Variants in TMEM132B observed in about 807,000 individuals in gnomAD.
The protein encoded by TMEM132B is transmembrane protein 132B.
TMEM132B carries 18 observed loss-of-function variants against 90.8 expected under a neutral mutation model. That is an observed-to-expected ratio of 0.20 (90% CI 0.14 to 0.29). The LOEUF is 0.29. Among genes scored for constraint, TMEM132B ranks in the 10% least tolerant of loss-of-function variants. TMEM132B has a pLI of 1.00. For missense variants in TMEM132B, 1,096 were observed against 1,326.8 expected (o/e 0.83, Z 2.70); for synonymous variants, 504 against 523.3 (o/e 0.96, Z 0.50).
chr12:125,297,834 C>T (rs1002080094), intron 1 of TMEM132B, among the ~76,000 whole-genome samples: 15 of 152,190 alleles, frequency 9.9e-5, no homozygotes, highest in African/African-American at 2.9e-4. Flanking sequence ...GGTTACATCC[C>T]ATTTCCTCCT....
intron 1 of TMEM132B, among the ~76,000 whole-genome samples, chr12:125,281,087 A>T (rs968644927): frequency 6.6e-6 from 1 of 152,202 alleles, no homozygotes; most frequent in Non-Finnish European, 1.5e-5. Context: ...AGGGGTGAGA[A>T]AGGCCCCAGC....
At chr12:125,481,543 A>G (rs1188688073) in intron 3 of TMEM132B, among the ~76,000 whole-genome samples, 2 of 152,216 alleles carry the variant, frequency 1.3e-5, no homozygotes, top group Non-Finnish European at 2.9e-5. Flanking sequence ...TCCAACTTAC[A>G]AGGGATGTGA....
At position 125,659,674 on chromosome 12, in the gene TMEM132B, TTAG is replaced by T. The variant is rs1290665562; in HGVS notation, c.*4965_*4967del. 4 of 152,374 alleles carry T rather than the reference TTAG, an allele frequency of 2.6e-5. No homozygotes were observed. The East Asian group carries it at 7.7e-4, about 29-fold the overall frequency. The allele number at this position is 152,374 out of a possible 1,614,324, so 9.4% of individuals were successfully genotyped here. A position where few individuals can be genotyped will look rare whatever the true frequency, so the allele number is the denominator to read the frequency against. ...TGCTGGCAAATGCTACTCCTTGCTTTTAGGATGAATAGGGATGCCTCTTTGGCG... is the reference window on the plus strand; with the variant it reads ...TGCTGGCAAATGCTACTCCTTGCTTTGATGAATAGGGATGCCTCTTTGGCG... On this transcript the variant is annotated 3_prime_UTR_variant, in exon 9 of 9. Transcript: ENST00000682704.
At chr12:125,226,351 C>G (rs1038616833) in intron 1 of TMEM132B, among the ~76,000 whole-genome samples, 1 of 152,212 alleles carries the variant, frequency 6.6e-6, no homozygotes, top group African/African-American at 2.4e-5. Context: ...GTTGACATTT[C>G]TTGAGCACTG....
chr12:125,547,070 C>A (rs968819192), intron 4 of TMEM132B, among the ~76,000 whole-genome samples: 3 of 152,140 alleles, frequency 2.0e-5, no homozygotes, highest in Non-Finnish European at 4.4e-5. Flanking sequence ...GGAAACTGCC[C>A]CCATGATTCA....
At chr12:125,390,935 C>G (rs1189627925) in intron 2 of TMEM132B, among the ~76,000 whole-genome samples, 2 of 152,074 alleles carry the variant, frequency 1.3e-5, no homozygotes, top group African/African-American at 4.8e-5. Context: ...TGTCATGCAG[C>G]AGGAGGTAAC....
intron 1 of TMEM132B, among the ~76,000 whole-genome samples, chr12:125,189,666 C>A (rs1018457762): frequency 1.3e-5 from 2 of 152,100 alleles, no homozygotes; most frequent in Non-Finnish European, 2.9e-5. Flanking sequence ...ATCATTTCAT[C>A]CCCTCTCCTC....
At chr12:125,435,605 A>G (rs920903662) in intron 3 of TMEM132B, among the ~76,000 whole-genome samples, 10 of 152,378 alleles carry the variant, frequency 6.6e-5, no homozygotes, top group East Asian at 1.9e-4. Context: ...AAAATGGTCA[A>G]TGTCCTCCAT....
At chr12:125,384,023 T>G (rs762842664) in intron 2 of TMEM132B, among the ~76,000 whole-genome samples, 32 of 152,196 alleles carry the variant, frequency 2.1e-4, no homozygotes, top group Non-Finnish European at 4.6e-4. Context: ...CTCAGCTCAT[T>G]GCAACCTCTG....
At chr12:125,579,368 T>C (rs2136856242) in intron 4 of TMEM132B, among the ~76,000 whole-genome samples, 1 of 152,066 alleles carries the variant, frequency 6.6e-6, no homozygotes, top group African/African-American at 2.4e-5. Context: ...ACTTGCTTTT[T>C]TTTTTTTCTT....
chr12:125,355,273 C>T (rs777537233), intron 2 of TMEM132B, among the ~76,000 whole-genome samples: 11 of 152,098 alleles, frequency 7.2e-5, no homozygotes, highest in Non-Finnish European at 1.2e-4. Flanking sequence ...TGGTCACCAG[C>T]ACTTGCATTA....
chr12:125,196,657 G>A (rs1872932839), intron 1 of TMEM132B, among the ~76,000 whole-genome samples: 1 of 152,194 alleles, frequency 6.6e-6, no homozygotes, highest in Non-Finnish European at 1.5e-5. Context: ...GCAGTGAGCC[G>A]AGATCATGCC....
chr12:125,424,346 G>C (rs918626028), intron 3 of TMEM132B, among the ~76,000 whole-genome samples: 1 of 152,152 alleles, frequency 6.6e-6, no homozygotes, highest in African/African-American at 2.4e-5. Context: ...CTCCGTGTGT[G>C]TCCAGTGCTC....
intron 1 of TMEM132B, among the ~76,000 whole-genome samples, chr12:125,241,642 G>C (rs772604552): frequency 6.6e-6 from 1 of 152,152 alleles, no homozygotes; most frequent in African/African-American, 2.4e-5. Flanking sequence ...GCACCTTGTT[G>C]AGCCTTCAGA....
chr12:125,573,540 A>G (rs1456562059), intron 4 of TMEM132B, among the ~76,000 whole-genome samples: 2 of 152,248 alleles, frequency 1.3e-5, no homozygotes, highest in South Asian at 2.1e-4. Context: ...CTGAGAGTAC[A>G]TAGTCAAAAT....
chr12:125,412,098 G>A (rs1238613286), intron 2 of TMEM132B, among the ~76,000 whole-genome samples: 1 of 152,178 alleles, frequency 6.6e-6, no homozygotes, highest in African/African-American at 2.4e-5. Context: ...AGACTCTGAG[G>A]AAGCGTTTGC....
chr12:125,225,837 C>A (rs567549035), intron 1 of TMEM132B, among the ~76,000 whole-genome samples: 1 of 152,184 alleles, frequency 6.6e-6, no homozygotes, highest in African/African-American at 2.4e-5. Flanking sequence ...AATTCAGGCT[C>A]AGTCACATGA....
chr12:125,461,000 T>G lies in TMEM132B; in HGVS notation c.1106+45323T>G, dbSNP rs1485239269. Among the ~76,000 whole-genome samples, 1 of 152,194 alleles carries G rather than the reference T, an allele frequency of 6.6e-6. No homozygotes were observed. Among genetic ancestry groups the G allele is most frequent in the South Asian group, 2.1e-4 (1 of 4,832 alleles). ...ATGAAACAAAGGAAAGGTGCGTGGC[T>G]CTCCCCAGTGGGATAATCTGAGTTA... is the stretch of plus-strand genomic sequence containing the variant. On this transcript the variant is annotated intron_variant, in intron 3 of 8. Transcript: ENST00000682704. The surrounding 1 kb of genome is among the most constrained non-coding windows in gnomAD (Gnocchi z 4.4).
At chr12:125,266,995 A>G (rs935654528) in intron 1 of TMEM132B, among the ~76,000 whole-genome samples, 2 of 152,168 alleles carry the variant, frequency 1.3e-5, no homozygotes, top group African/African-American at 4.8e-5. Context: ...TTGCTGGTCA[A>G]GCAGGCCAGG....
Sources: gnomAD v4.1 joint callset for allele counts (sites outside exome capture counted in the v4.1 genomes callset) on GRCh38, gnomAD v4.1.1 for gene constraint, Gnocchi (gnomAD v3.1) non-coding constraint, MANE v1.5 for transcripts, NCBI Gene and HGNC (gene_info 2026-07-23, HGNC 2026-07-21) for gene names.